Variants in IDH2 observed in about 807,000 individuals in gnomAD.
IDH2 encodes the protein isocitrate dehydrogenase (NADP(+)) 2.
IDH2 carries 18 observed loss-of-function variants against 50.5 expected under a neutral mutation model. The ratio of observed to expected loss-of-function variants is 0.36; its 90% CI spans 0.25 to 0.53. The LOEUF (loss-of-function observed/expected upper bound fraction) is 0.53. Ranked by LOEUF, IDH2 falls within the 20% of genes least tolerant of loss-of-function variation. The pLI, the probability that IDH2 is intolerant of heterozygous loss-of-function variation, is 0.92. For missense variants in IDH2, 518 were observed against 610.7 expected, an observed-to-expected ratio of 0.85 and a Z score of 1.60; for synonymous variants, 280 against 239.8, an observed-to-expected ratio of 1.17 and a Z score of -1.55.
Position 90,102,303 on chromosome 15 carries a change from TG to T in IDH2, c.87del (p.Thr30ProfsTer29). 1.5e-6 allele frequency: 2 copies of T among 1,349,082 alleles called. No individual in the cohort carries two copies. 83.6% of individuals were successfully genotyped at this position (1,349,082 alleles called of 1,614,324 possible). A position where few individuals can be genotyped will look rare whatever the true frequency, so the allele number is the denominator to read the frequency against. On this transcript the variant is annotated frameshift_variant, in exon 1 of 11. Transcript: ENST00000330062. LOFTEE classifies it high-confidence loss of function. ...PAWAPAALTAPTSQEQPRRHY... is the reference protein window; with the variant it reads ...PAWAPAALTAXTSQEQPRRHY... ...TGGCGCCGCGGCTGCTCTTGCGAGG[TG>T]GGGGCTGTCAGGGCCGCCGGCGCCC...
intron 7 of IDH2, 126 bp downstream of exon 7, chr15:90,086,986 G>A (rs1900875693): frequency 1.9e-6 from 2 of 1,027,560 alleles, no homozygotes; most frequent in Non-Finnish European, 1.5e-6. Context: ...GCCCCCTGCT[G>A]TCCACAGAGG....
chr15:90,084,122 C>A lies in IDH2; in HGVS notation c.*144G>T. On this transcript the variant is annotated 3_prime_UTR_variant, in exon 11 of 11. Transcript: ENST00000330062. The surrounding 1 kb of genome is among the most constrained non-coding windows in gnomAD (Gnocchi z 5.0). ...CACCATGAGGGGAAACACACATATGCTTTTAAAAACATCTGGCTTATAAAA... is the reference window on the plus strand; with the variant it reads ...CACCATGAGGGGAAACACACATATGATTTTAAAAACATCTGGCTTATAAAA... 1 of 671,986 alleles carries A rather than the reference C, an allele frequency of 1.5e-6. No individual in the cohort carries two copies. The allele number at this position is 671,986 out of a possible 1,614,324, so 41.6% of individuals were successfully genotyped here.
At position 90,087,472 on chromosome 15, in the gene IDH2, C is replaced by T. The variant is rs118101777; in HGVS notation, c.782G>A (p.Arg261His). 3,187 of 1,614,202 alleles carry T rather than the reference C, an allele frequency of 2.0e-3. 6 individuals carry two copies. The highest frequency in any genetic ancestry group is 2.2e-3 in the Non-Finnish European group (2,652 of 1,180,018). ...GATCTCCTGGAAGATGTCCTTGAAA[C>T]GCCCATCGTAGGCTTTCAGTATGGT... ...KNTILKAYDG[R>H]FKDIFQEIFD... The change falls in exon 6 of 11, where the codon CGT (arginine) becomes CAT (histidine). Residue 261 changes from arginine (R) to histidine (H), a missense_variant. Physicochemically the swap from Arg to His is conservative, Grantham distance 29. This residue lies in a region of IDH2 where 207 missense variants were observed against 208.6 expected (regional missense o/e 0.99). Coordinates refer to ENST00000330062, the MANE Select transcript of IDH2 (RefSeq NM_002168.4).
At chr15:90,099,783 C>A (rs571623787) in intron 1 of IDH2, among the ~76,000 whole-genome samples, 57 of 152,192 alleles carry the variant, frequency 3.7e-4, no homozygotes, top group Middle Eastern at 3.4e-3. Context: ...ACCCATATAT[C>A]ATACTAGTCA....
At position 90,084,534 on chromosome 15, in the gene IDH2, C is replaced by T. The variant is rs1211241297; in HGVS notation, c.1272-181G>A. ...TGAGGCCACCGAGATTCGGCAGGCA[C>T]CCGCAGGGTCTGTCTTGCCAGGTAA... is the stretch of plus-strand genomic sequence containing the variant. On this transcript the variant is annotated intron_variant, in intron 10 of 10. Coordinates refer to ENST00000330062, the MANE Select transcript of IDH2 (RefSeq NM_002168.4). This position sits in a 1 kb window ranked among gnomAD's most constrained non-coding sequence, Gnocchi z 5.0. Among the ~76,000 whole-genome samples, 1 of 152,110 alleles carries T rather than the reference C, an allele frequency of 6.6e-6. No individual in the cohort carries two copies. Among genetic ancestry groups the T allele is most frequent in the East Asian group, 1.9e-4 (1 of 5,176 alleles).
At chr15:90,090,873 C>T (rs1901017161) in intron 2 of IDH2, among the ~76,000 whole-genome samples, 1 of 152,198 alleles carries the variant, frequency 6.6e-6, no homozygotes, top group Admixed American at 6.5e-5. Context: ...CAGGCCAGGC[C>T]GCAGTCTTTT....
At position 90,098,825 on chromosome 15, in the gene IDH2, C is replaced by T. The variant is rs372908109; in HGVS notation, c.115+3451G>A. ...TCCCAAAGTCCTGGGAGCCACCGCA[C>T]GCGGCCAGAACAGCCATTTTGGAAC... On this transcript the variant is annotated intron_variant, in intron 1 of 10. Coordinates refer to ENST00000330062, the MANE Select transcript of IDH2 (RefSeq NM_002168.4). The surrounding 1 kb of genome is among the most constrained non-coding windows in gnomAD (Gnocchi z 5.1). Among the ~76,000 whole-genome samples the T allele has an allele frequency of 6.6e-5, 10 of 152,256 alleles. No homozygotes were observed. In the East Asian group the frequency reaches 1.9e-3, roughly 29 times the overall value.
rs1254582144 is a variant in IDH2 at position 90,102,331 on chromosome 15, G to A, written c.60C>T (p.Ala20=). Residue 20 remains alanine, a synonymous_variant, in exon 1 of 11, where the codon GCC becomes GCT. Transcript: ENST00000330062. ...SLCRASGSRP[A]WAPAALTAPT... ...GGGCTGTCAGGGCCGCCGGCGCCCA[G>A]GCCGGCCGCGAGCCTGAGGCTCTGC... 2.9e-6 allele frequency: 4 copies of A among 1,365,002 alleles called. No individual in the cohort carries two copies. In the African/African-American group the frequency reaches 6.0e-5, roughly 21 times the overall value. 84.6% of individuals were successfully genotyped at this position (1,365,002 alleles called of 1,614,324 possible). A position where few individuals can be genotyped will look rare whatever the true frequency, so the allele number is the denominator to read the frequency against.
intron 4 of IDH2, 39 bp downstream of exon 4, chr15:90,088,548 G>A: frequency 3.1e-6 from 5 of 1,614,192 alleles, no homozygotes; most frequent in Non-Finnish European, 3.4e-6. Context: ...CAGTCGGGGG[G>A]TGCCCAGGTC....
In IDH2 at chr15:90,086,521, G is replaced by A. The variant is rs1372079065; in HGVS notation, c.967+591C>T. ...AGATTCTCCTGCCTCAGCCTCTCAA[G>A]TAGCTGGGATTACAGGTGTCCATGA... On this transcript the variant is annotated intron_variant, in intron 7 of 10. Coordinates refer to ENST00000330062, the MANE Select transcript of IDH2 (RefSeq NM_002168.4). Among the ~76,000 whole-genome samples the A allele has an allele frequency of 3.3e-5, 5 of 152,196 alleles. No individual in the cohort carries two copies. The East Asian group carries it at 7.7e-4, about 23-fold the overall frequency.
chr15:90,084,478 C>G lies in IDH2; in HGVS notation c.1272-125G>C. On this transcript the variant is annotated intron_variant, in intron 10 of 10. Coordinates refer to ENST00000330062, the MANE Select transcript of IDH2 (RefSeq NM_002168.4). The surrounding 1 kb of genome is among the most constrained non-coding windows in gnomAD (Gnocchi z 5.0). The stretch of plus-strand genomic sequence containing the variant: ...CAGCCATCTCCTGCCACCCAGACTA[C>G]AGGCCAGAGGCCAGCTATAGCCCCC... 1 of 873,924 alleles carries G rather than the reference C, an allele frequency of 1.1e-6. No individual in the cohort carries two copies. The highest frequency in any genetic ancestry group is 1.9e-6 in the Non-Finnish European group (1 of 540,404). The allele number at this position is 873,924 out of a possible 1,614,324, so 54.1% of individuals were successfully genotyped here.
In IDH2 at chr15:90,083,902, A is replaced by G. The variant is rs1165395175; in HGVS notation, c.*364T>C. On this transcript the variant is annotated 3_prime_UTR_variant, in exon 11 of 11. Coordinates refer to ENST00000330062, the MANE Select transcript of IDH2 (RefSeq NM_002168.4). The stretch of plus-strand genomic sequence containing the variant: ...GAGGTGCTCTGGTCTGCCCCAGGGG[A>G]ACCTGCCAGCTCTAGCAGGGCCTCT... 3 of 402,258 alleles carry G rather than the reference A, an allele frequency of 7.5e-6. No individual in the cohort carries two copies. Among genetic ancestry groups the G allele is most frequent in the Non-Finnish European group, 1.4e-5 (3 of 213,840 alleles). The allele number at this position is 402,258 out of a possible 1,614,324, so 24.9% of individuals were successfully genotyped here. A position where few individuals can be genotyped will look rare whatever the true frequency, so the allele number is the denominator to read the frequency against.
In IDH2 at chr15:90,100,936, TTC is replaced by T. The variant is rs1197034277; in HGVS notation, c.115+1338_115+1339del. ...TGTGTGTGTTTTTCGGGTTGTTTGTTTCTTTTTTTTTTTTTTACCATCAAGGC... is the reference window on the plus strand; with the variant it reads ...TGTGTGTGTTTTTCGGGTTGTTTGTTTTTTTTTTTTTTTTACCATCAAGGC... On this transcript the variant is annotated intron_variant, in intron 1 of 10. Coordinates refer to ENST00000330062, the MANE Select transcript of IDH2 (RefSeq NM_002168.4). The surrounding 1 kb of genome is among the most constrained non-coding windows in gnomAD (Gnocchi z 4.1). Among the ~76,000 whole-genome samples the T allele has an allele frequency of 8.3e-3, 582 of 70,534 alleles. 4 individuals are homozygous for T. Among genetic ancestry groups the T allele is most frequent in the South Asian group, 0.01 (25 of 2,444 alleles). The allele number at this position is 70,534 out of a possible 152,430, so 46.3% of individuals were successfully genotyped here. A position where few individuals can be genotyped will look rare whatever the true frequency, so the allele number is the denominator to read the frequency against.
chr15:90,090,030 A>G (rs1900991135), intron 3 of IDH2, among the ~76,000 whole-genome samples: 1 of 152,232 alleles, frequency 6.6e-6, no homozygotes, highest in Non-Finnish European at 1.5e-5. Context: ...TGTCCACGCC[A>G]GAATGGACTA....
Position 90,084,513 on chromosome 15 carries a change from G to C in IDH2, c.1272-160C>G, listed in dbSNP as rs560463373. 2.6e-5 allele frequency among the ~76,000 whole-genome samples: 4 copies of C among 151,830 alleles called. No homozygotes were observed. In the South Asian group the frequency reaches 6.3e-4, roughly 24 times the overall value. The stretch of plus-strand genomic sequence containing the variant: ...GCCAGCTATAGCCCCCTACCATGAG[G>C]CCACCGAGATTCGGCAGGCACCCGC... On this transcript the variant is annotated intron_variant, in intron 10 of 10. Transcript: ENST00000330062. The surrounding 1 kb of genome is among the most constrained non-coding windows in gnomAD (Gnocchi z 5.0).
In IDH2 at chr15:90,102,373, C is replaced by T; in HGVS notation, c.18G>A (p.Arg6=). MAGYL[R]VVRSLCRASG... is the part of the protein sequence containing the mutation. ...AGGCTCTGCAGAGCGAGCGCACGAC[C>T]CGCAGGTAGCCGGCCATCCCAAGCT... is the stretch of plus-strand genomic sequence containing the variant. The change falls in exon 1 of 11, where the codon CGG becomes CGA. Residue 6 remains arginine (R), a synonymous_variant. Coordinates refer to ENST00000330062, the MANE Select transcript of IDH2 (RefSeq NM_002168.4). The T allele has an allele frequency of 7.3e-7, 1 of 1,361,102 alleles. No individual in the cohort carries two copies. Among genetic ancestry groups the T allele is most frequent in the Non-Finnish European group, 9.6e-7 (1 of 1,046,650 alleles). 84.3% of individuals were successfully genotyped at this position (1,361,102 alleles called of 1,614,324 possible). A position where few individuals can be genotyped will look rare whatever the true frequency, so the allele number is the denominator to read the frequency against.
intron 7 of IDH2, among the ~76,000 whole-genome samples, chr15:90,086,353 C>T (rs746687783): frequency 1.3e-5 from 2 of 152,126 alleles, no homozygotes; most frequent in Non-Finnish European, 2.9e-5. Flanking sequence ...GCCCATTTCT[C>T]GCTGTTCTTC....
In IDH2 at chr15:90,084,798, C is replaced by CT; in HGVS notation, c.1271+17_1271+18insA. On this transcript the variant is annotated intron_variant, in intron 10 of 10. Transcript: ENST00000330062. The surrounding 1 kb of genome is among the most constrained non-coding windows in gnomAD (Gnocchi z 5.0). The stretch of plus-strand genomic sequence containing the variant: ...CCCACATGGCCCCAGGGTCTGCCTA[C>CT]CACCCCAGGCCACGCACTTGCTGAG... The CT allele has an allele frequency of 6.2e-7, 1 of 1,605,958 alleles. No individual in the cohort carries two copies. The highest frequency in any genetic ancestry group is 1.1e-5 in the South Asian group (1 of 90,924).
At position 90,084,649 on chromosome 15, in the gene IDH2, T is replaced by C. The variant is rs1900809144; in HGVS notation, c.1271+167A>G. On this transcript the variant is annotated intron_variant, in intron 10 of 10. Coordinates refer to ENST00000330062, the MANE Select transcript of IDH2 (RefSeq NM_002168.4). This position sits in a 1 kb window ranked among gnomAD's most constrained non-coding sequence, Gnocchi z 5.0. Reference sequence around the variant, plus strand: ...GCCTCAGGGATGGGGAGGAACTCACTAGACCTGGTCTACAGAGGCTGGCCT... The same window carrying C: ...GCCTCAGGGATGGGGAGGAACTCACCAGACCTGGTCTACAGAGGCTGGCCT... 6.6e-6 allele frequency among the ~76,000 whole-genome samples: 1 copy of C among 152,154 alleles called. No homozygotes were observed. The highest frequency in any genetic ancestry group is 1.5e-5 in the Non-Finnish European group (1 of 68,024).
Sources: allele counts gnomAD v4.1 joint callset (sites outside exome capture counted in the v4.1 genomes callset), GRCh38; gene constraint gnomAD v4.1.1; regional missense constraint gnomAD v4.1.1; non-coding constraint Gnocchi (gnomAD v3.1); transcripts MANE v1.5; gene names NCBI Gene and HGNC (gene_info 2026-07-23, HGNC 2026-07-21).